The following IL1RAPL1 variants were observed in gnomAD, a reference collection of about 807,000 sequenced individuals.
IL1RAPL1 encodes the protein interleukin 1 receptor accessory protein like 1.
IL1RAPL1 carries 3 observed loss-of-function variants against 48.4 expected under a neutral mutation model. The observed-to-expected ratio is 0.06, with a 90% confidence interval of 0.03 to 0.16. The LOEUF is 0.16. Among genes scored for constraint, IL1RAPL1 ranks in the 10% least tolerant of loss-of-function variants. The probability of loss-of-function intolerance (pLI) is 1.00; values close to 1 mark genes in which losing one functional copy is unlikely to be tolerated. For missense variants in IL1RAPL1, 349 were observed against 530.6 expected, an observed-to-expected ratio of 0.66 and a Z score of 3.36; for synonymous variants, 185 against 187.7, an observed-to-expected ratio of 0.99 and a Z score of 0.12.
At chrX:29,914,342 G>A (rs1028840260) in intron 6 of IL1RAPL1, among the ~76,000 whole-genome samples, 18 of 111,943 alleles carry the variant, frequency 1.6e-4, no homozygotes, top group Non-Finnish European at 2.6e-4. Context: ...GGAGGGTGAT[G>A]TGAGACAGTA....
At chrX:29,333,208 C>A (rs1401318511) in intron 3 of IL1RAPL1, among the ~76,000 whole-genome samples, 7 of 107,098 alleles carry the variant, frequency 6.5e-5, no homozygotes, top group African/African-American at 2.4e-4. Context: ...GGGCTCCTCA[C>A]TTCCCAGTAG....
At chrX:28,974,174 C>T (rs1601988857) in intron 2 of IL1RAPL1, among the ~76,000 whole-genome samples, 2 of 111,633 alleles carry the variant, frequency 1.8e-5, no homozygotes, top group East Asian at 2.8e-4. Context: ...CTGGCTTCCC[C>T]CATACTTGCT....
chrX:28,816,208 G>C (rs1178992914), intron 2 of IL1RAPL1, among the ~76,000 whole-genome samples: 2 of 108,869 alleles, frequency 1.8e-5, no homozygotes, highest in Non-Finnish European at 3.8e-5. Flanking sequence ...ATTCTAACTG[G>C]TTTGAGATGA....
intron 2 of IL1RAPL1, among the ~76,000 whole-genome samples, chrX:29,050,990 G>C (rs893899545): frequency 4.5e-5 from 5 of 112,217 alleles, no homozygotes; most frequent in African/African-American, 1.6e-4. Context: ...TATACTACAG[G>C]AATAATATCT....
rs371135649 is a variant in IL1RAPL1 at position 29,433,645 on chromosome X, T to C, written c.703+34337T>C. ...TGCATGAGAATGCCTGTTTACAACATAGGGTATTATCAATTTGTTTAATCT... is the reference window on the plus strand; with the variant it reads ...TGCATGAGAATGCCTGTTTACAACACAGGGTATTATCAATTTGTTTAATCT... On this transcript the variant is annotated intron_variant, in intron 5 of 10. Coordinates refer to ENST00000378993, the MANE Select transcript of IL1RAPL1 (RefSeq NM_014271.4). Among the ~76,000 whole-genome samples, 8 of 111,456 alleles carry C rather than the reference T, an allele frequency of 7.2e-5. No individual in the cohort carries two copies. The East Asian group carries it at 1.4e-3, about 20-fold the overall frequency.
chrX:29,775,300 G>A (rs1261007479), intron 6 of IL1RAPL1, among the ~76,000 whole-genome samples: 5 of 111,595 alleles, frequency 4.5e-5, no homozygotes, highest in Non-Finnish European at 9.4e-5. Flanking sequence ...AGTTATTAGA[G>A]GAGCAAAGAA....
chrX:28,914,500 C>T (rs979694256), intron 2 of IL1RAPL1, among the ~76,000 whole-genome samples: 10 of 111,749 alleles, frequency 8.9e-5, no homozygotes, highest in African/African-American at 3.2e-4. Flanking sequence ...TTTGTCAAAG[C>T]GAATATTTGG....
intron 5 of IL1RAPL1, among the ~76,000 whole-genome samples, chrX:29,574,070 C>T (rs1320984252): frequency 1.8e-5 from 2 of 110,181 alleles, no homozygotes; most frequent in Admixed American, 9.7e-5. Flanking sequence ...TTAATTGTCT[C>T]ATGGTTCCAC....
At chrX:28,935,067 G>T (rs1923981166) in intron 2 of IL1RAPL1, among the ~76,000 whole-genome samples, 1 of 111,734 alleles carries the variant, frequency 8.9e-6, no homozygotes, top group Admixed American at 9.6e-5. Context: ...GTTTTCAGCA[G>T]TTCTGTGGAT....
chrX:29,018,363 C>A (rs1325570327), intron 2 of IL1RAPL1, among the ~76,000 whole-genome samples: 1 of 111,861 alleles, frequency 8.9e-6, no homozygotes, highest in African/African-American at 3.2e-5. Context: ...GAAGCCCTAC[C>A]ATTTTCTAGG....
intron 1 of IL1RAPL1, among the ~76,000 whole-genome samples, chrX:28,623,023 G>T (rs949462899): frequency 2.7e-5 from 3 of 111,398 alleles, no homozygotes; most frequent in Admixed American, 1.9e-4. Flanking sequence ...CTAGCTATTT[G>T]CTTGCTTTCA....
chrX:28,879,991 G>T (rs1252716743), intron 2 of IL1RAPL1, among the ~76,000 whole-genome samples: 1 of 111,683 alleles, frequency 9.0e-6, no homozygotes, highest in African/African-American at 3.2e-5. Context: ...AAACATTATG[G>T]CAGGCTCTGT....
chrX:29,922,774 G>A (rs1171622355), intron 8 of IL1RAPL1, among the ~76,000 whole-genome samples: 1 of 112,110 alleles, frequency 8.9e-6, no homozygotes, highest in Non-Finnish European at 1.9e-5. Context: ...ATTATCAGGT[G>A]AGTTGCTATA....
At chrX:28,830,137 TA>T (rs1921010222) in intron 2 of IL1RAPL1, among the ~76,000 whole-genome samples, 1 of 111,591 alleles carries the variant, frequency 9.0e-6, no homozygotes, top group African/African-American at 3.3e-5. Context: ...GGTATCAGAG[TA>T]GTACTGGCCT....
chrX:29,809,399 G>A (rs1165192901), intron 6 of IL1RAPL1, among the ~76,000 whole-genome samples: 2 of 109,881 alleles, frequency 1.8e-5, no homozygotes, highest in Non-Finnish European at 1.9e-5. Context: ...CACCGTGCCC[G>A]GCCGAGTTTG....
chrX:29,114,103 T>C (rs764036197), intron 2 of IL1RAPL1, among the ~76,000 whole-genome samples: 1 of 111,938 alleles, frequency 8.9e-6, no homozygotes, highest in African/African-American at 3.2e-5. Flanking sequence ...TGTTCTGTGC[T>C]TAGTTTTGGT....
chrX:29,670,915 C>T (rs1046042491), intron 6 of IL1RAPL1, among the ~76,000 whole-genome samples: 16 of 111,697 alleles, frequency 1.4e-4, no homozygotes, highest in Admixed American at 8.6e-4. Flanking sequence ...CAGAATTTTA[C>T]GGTCCAAGTA....
At chrX:28,951,698 C>A (rs1309646504) in intron 2 of IL1RAPL1, among the ~76,000 whole-genome samples, 1 of 111,235 alleles carries the variant, frequency 9.0e-6, no homozygotes, top group Non-Finnish European at 1.9e-5. Context: ...CAATTAAATT[C>A]TCTTGCCTTT....
intron 1 of IL1RAPL1, among the ~76,000 whole-genome samples, chrX:28,695,790 C>T (rs1006084908): frequency 1.8e-5 from 2 of 111,919 alleles, no homozygotes; most frequent in African/African-American, 3.2e-5. Context: ...ATAGAGTTTA[C>T]ACATGTAAGC....
Sources: allele counts gnomAD v4.1 joint callset (sites outside exome capture counted in the v4.1 genomes callset), GRCh38; gene constraint gnomAD v4.1.1; transcripts MANE v1.5; gene names NCBI Gene and HGNC (gene_info 2026-07-23, HGNC 2026-07-21).